The following PTPRD variants were observed in gnomAD, a reference collection of about 807,000 sequenced individuals.
PTPRD encodes receptor-type tyrosine-protein phosphatase delta.
In PTPRD, 34 loss-of-function variants were observed where a neutral mutation model predicts 214.5. That is an observed-to-expected ratio of 0.16 (90% confidence interval 0.12 to 0.21). The LOEUF is 0.21. PTPRD is among the 10% of genes least tolerant of loss of function. The pLI is 1.00. For missense variants in PTPRD, 2,545 were observed against 2,398.7 expected (o/e 1.06, Z -1.27); for synonymous variants, 1,128 against 845.7 (o/e 1.33, Z -5.79).
intron 2 of PTPRD, among the ~76,000 whole-genome samples, chr9:10,495,341 T>C (rs201813289): frequency 6.6e-6 from 1 of 151,818 alleles, no homozygotes; most frequent in Non-Finnish European, 1.5e-5. Context: ...GGAGCTTAAA[T>C]AGAAAATCCA....
intron 5 of PTPRD, among the ~76,000 whole-genome samples, chr9:9,886,979 C>T (rs1168100091): frequency 6.6e-6 from 1 of 152,074 alleles, no homozygotes; most frequent in East Asian, 1.9e-4. Context: ...CCAAACACCT[C>T]CCAAATTCCT....
At chr9:8,865,408 AT>A (rs1201297881) in intron 11 of PTPRD, among the ~76,000 whole-genome samples, 1 of 152,136 alleles carries the variant, frequency 6.6e-6, no homozygotes, top group African/African-American at 2.4e-5. Flanking sequence ...TTTCATAAAT[AT>A]TTCAGAAAGT....
rs751369111 is a variant in PTPRD, at chr9:8,492,838, A to C, written c.2467+24T>G. ...AAAAGTTAGTATTACTGTTCAAGGCACATACATGCACAGACATGATTACCT... is the reference window on the plus strand; with the variant it reads ...AAAAGTTAGTATTACTGTTCAAGGCCCATACATGCACAGACATGATTACCT... On this transcript the variant is annotated intron_variant, in intron 27 of 45. Coordinates refer to ENST00000381196, the MANE Select transcript of PTPRD (RefSeq NM_002839.4). The C allele has an allele frequency of 9.0e-6, 14 of 1,556,308 alleles. No homozygotes were observed. The African/African-American group carries it at 1.6e-4, about 18-fold the overall frequency.
At chr9:10,411,973 C>T (rs1587617881) in intron 2 of PTPRD, among the ~76,000 whole-genome samples, 1 of 151,714 alleles carries the variant, frequency 6.6e-6, no homozygotes, top group African/African-American at 2.4e-5. Context: ...AACAAATATA[C>T]TGTACTTCAA....
chr9:8,703,324 G>C (rs2098131423), intron 12 of PTPRD, among the ~76,000 whole-genome samples: 1 of 152,232 alleles, frequency 6.6e-6, no homozygotes, highest in South Asian at 2.1e-4. Context: ...ATTCTGCTTT[G>C]AATTGTCTGA....
intron 10 of PTPRD, among the ~76,000 whole-genome samples, chr9:9,179,943 T>A (rs1389093330): frequency 5.3e-5 from 8 of 152,104 alleles, no homozygotes; most frequent in African/African-American, 1.9e-4. Flanking sequence ...TTGCACATAA[T>A]ATACATATCA....
chr9:9,936,526 T>A (rs1312468993), intron 5 of PTPRD, among the ~76,000 whole-genome samples: 2 of 146,636 alleles, frequency 1.4e-5, no homozygotes, highest in Middle Eastern at 3.2e-3. Context: ...CACAATGAGA[T>A]ACAATCTCAC....
intron 9 of PTPRD, among the ~76,000 whole-genome samples, chr9:9,368,733 CAA>C (rs1278670623): frequency 6.6e-6 from 1 of 151,734 alleles, no homozygotes; most frequent in African/African-American, 2.4e-5. Context: ...GTATTACAAA[CAA>C]ATGCTGCAAT....
intron 10 of PTPRD, chr9:9,091,059 T>G (rs1293878242): frequency 7.9e-6 from 12 of 1,523,946 alleles, no homozygotes; most frequent in Non-Finnish European, 1.1e-5. Flanking sequence ...GGGACATTTC[T>G]GAAGCGAGCG....
At chr9:10,144,943 A>T (rs1448246139) in intron 3 of PTPRD, among the ~76,000 whole-genome samples, 1 of 152,122 alleles carries the variant, frequency 6.6e-6, no homozygotes, top group Non-Finnish European at 1.5e-5. Flanking sequence ...CCAACAAGAA[A>T]AGTAGGTAAG....
chr9:8,359,518 G>C (rs944918792), intron 39 of PTPRD, among the ~76,000 whole-genome samples: 11 of 152,026 alleles, frequency 7.2e-5, no homozygotes, highest in Admixed American at 4.6e-4. Flanking sequence ...AGTTTTAGTA[G>C]AGACAGGGTT....
intron 11 of PTPRD, among the ~76,000 whole-genome samples, chr9:8,845,758 G>A (rs1377131842): frequency 2.6e-5 from 4 of 152,136 alleles, no homozygotes; most frequent in African/African-American, 9.7e-5. Context: ...GCTTCACCAG[G>A]CACATTTACC....
At chr9:10,283,346 A>G (rs78532269) in intron 3 of PTPRD, among the ~76,000 whole-genome samples, 4,977 of 152,258 alleles carry the variant, frequency 0.033, 288 homozygotes, top group African/African-American at 0.11. Context: ...TATCTTCACC[A>G]TTAGAATGTG....
chr9:9,916,523 C>A (rs1301839981), intron 5 of PTPRD, among the ~76,000 whole-genome samples: 1 of 151,016 alleles, frequency 6.6e-6, no homozygotes, highest in Non-Finnish European at 1.5e-5. Flanking sequence ...AATCCTCTCT[C>A]TATATATATA....
At chr9:10,135,329 T>C (rs2098934290) in intron 3 of PTPRD, among the ~76,000 whole-genome samples, 1 of 152,094 alleles carries the variant, frequency 6.6e-6, no homozygotes, top group Non-Finnish European at 1.5e-5. Context: ...ATACAAGTTT[T>C]CCCAATCTCA....
chr9:8,915,977 G>T (rs1370392265), intron 11 of PTPRD, among the ~76,000 whole-genome samples: 1 of 152,152 alleles, frequency 6.6e-6, no homozygotes, highest in African/African-American at 2.4e-5. Context: ...AAGGTGTTTA[G>T]AAAGATCCCT....
At chr9:10,246,917 A>T in intron 3 of PTPRD, among the ~76,000 whole-genome samples, 1 of 151,534 alleles carries the variant, frequency 6.6e-6, no homozygotes, top group East Asian at 1.9e-4. Context: ...AATAAACAAT[A>T]AATATAAAAT....
chr9:9,811,423 G>A (rs2047098152), intron 5 of PTPRD, among the ~76,000 whole-genome samples: 1 of 151,996 alleles, frequency 6.6e-6, no homozygotes, highest in Admixed American at 6.6e-5. Context: ...AGCAAAGAAA[G>A]TGGGCCAGGC....
At position 9,743,731 on chromosome 9, in the gene PTPRD, TACAC is replaced by T. The variant is rs4008087; in HGVS notation, c.-325-9164_-325-9161del. Among the ~76,000 whole-genome samples, 191 of 80,452 alleles carry T rather than the reference TACAC, an allele frequency of 2.4e-3. 1 individual carries two copies. The highest frequency in any genetic ancestry group is 5.3e-3 in the Admixed American group (52 of 9,828). 52.8% of individuals were successfully genotyped at this position (80,452 alleles called of 152,430 possible). ...TTCTTCATAGCAAAAACTCAGTCTA[TACAC>T]ACACACACACACACACACACACACA... is the stretch of plus-strand genomic sequence containing the variant. On this transcript the variant is annotated intron_variant, in intron 6 of 45. Transcript: ENST00000381196.
Sources: allele counts gnomAD v4.1 joint callset (sites outside exome capture counted in the v4.1 genomes callset), GRCh38; gene constraint gnomAD v4.1.1; transcripts MANE v1.5; gene names NCBI Gene and HGNC (gene_info 2026-07-23, HGNC 2026-07-21).